PLCE1: variants seen among roughly 807,000 people sequenced by gnomAD.
The protein encoded by PLCE1 is phospholipase C epsilon 1.
Under a neutral mutation model 242.8 loss-of-function variants are expected in PLCE1, and 119 were observed. That is an observed-to-expected ratio of 0.49 (90% CI 0.42 to 0.57). PLCE1 has a LOEUF of 0.57. PLCE1 is among the 20% of genes least tolerant of loss of function. PLCE1 has a pLI of 0.00. For synonymous variants in PLCE1, 945 were observed against 1,017.4 expected, an observed-to-expected ratio of 0.93 and a Z score of 1.35; for missense variants, 2,441 against 2,788.8, an observed-to-expected ratio of 0.88 and a Z score of 2.81.
chr10:94,100,848 A>G (rs1322151176), intron 2 of PLCE1, among the ~76,000 whole-genome samples: 3 of 152,212 alleles, frequency 2.0e-5, no homozygotes, highest in African/African-American at 7.2e-5. Flanking sequence ...CGGAGGGCAT[A>G]CAAGTTTCTG....
intron 2 of PLCE1, among the ~76,000 whole-genome samples, chr10:94,057,271 C>G: frequency 6.6e-6 from 1 of 152,070 alleles, no homozygotes. Context: ...TTTTCATAGG[C>G]TGTTTTTTCA....
chr10:94,025,131 G>C (rs2061435123), intron 1 of PLCE1, among the ~76,000 whole-genome samples: 1 of 151,788 alleles, frequency 6.6e-6, no homozygotes, highest in African/African-American at 2.4e-5. Context: ...CTCCAGCTCT[G>C]GCTATCATGC....
chr10:94,188,727 T>A (rs2048562500), intron 4 of PLCE1, among the ~76,000 whole-genome samples: 2 of 152,200 alleles, frequency 1.3e-5, no homozygotes. Flanking sequence ...TGCCCCAGCC[T>A]CCCAAGTAGC....
intron 8 of PLCE1, among the ~76,000 whole-genome samples, chr10:94,248,603 CAAA>C: frequency 6.6e-6 from 1 of 151,068 alleles, no homozygotes. Flanking sequence ...AACAAACAAA[CAAA>C]CAAAAAATAC....
chr10:94,314,133 A>G (rs1479253811), intron 28 of PLCE1, among the ~76,000 whole-genome samples: 2 of 152,182 alleles, frequency 1.3e-5, no homozygotes, highest in African/African-American at 4.8e-5. Flanking sequence ...TCTAAGAGTG[A>G]GAGAGCCAGG....
At chr10:94,166,073 T>C (rs2047792673) in intron 3 of PLCE1, among the ~76,000 whole-genome samples, 1 of 152,196 alleles carries the variant, frequency 6.6e-6, no homozygotes, top group Non-Finnish European at 1.5e-5. Flanking sequence ...AACAGAACTG[T>C]GTAAGTTATA....
intron 4 of PLCE1, among the ~76,000 whole-genome samples, chr10:94,180,291 T>C (rs1435297126): frequency 6.6e-6 from 1 of 152,218 alleles, no homozygotes; most frequent in African/African-American, 2.4e-5. Flanking sequence ...GATTTTAACC[T>C]ATGTGCTGAC....
At chr10:94,130,345 T>A (rs2046560531) in intron 2 of PLCE1, among the ~76,000 whole-genome samples, 1 of 152,202 alleles carries the variant, frequency 6.6e-6, no homozygotes, top group Non-Finnish European at 1.5e-5. Flanking sequence ...CCACCTATTA[T>A]TCATTGAGGG....
chr10:94,281,509 T>C (rs2052219337), intron 20 of PLCE1, among the ~76,000 whole-genome samples: 3 of 152,194 alleles, frequency 2.0e-5, no homozygotes, highest in Non-Finnish European at 4.4e-5. Context: ...ATTTCTAAGA[T>C]AGTTGCATGT....
chr10:94,195,100 G>T (rs898886824), intron 4 of PLCE1, among the ~76,000 whole-genome samples: 9 of 152,108 alleles, frequency 5.9e-5, no homozygotes, highest in Admixed American at 1.3e-4. Context: ...GGCCCAGAAT[G>T]TTAAAGAAAA....
At chr10:94,188,887 G>A (rs542136825) in intron 4 of PLCE1, among the ~76,000 whole-genome samples, 157 of 151,820 alleles carry the variant, frequency 1.0e-3, no homozygotes, top group African/African-American at 3.6e-3. Context: ...TTACAGGCAT[G>A]AGCCACCATG....
chr10:94,199,300 G>T (rs1029366519), intron 4 of PLCE1, among the ~76,000 whole-genome samples: 2 of 152,146 alleles, frequency 1.3e-5, no homozygotes, highest in East Asian at 3.9e-4. Flanking sequence ...GTATCATTTG[G>T]CATTCACAGC....
At chr10:94,132,771 G>A (rs1261795188) in intron 3 of PLCE1, among the ~76,000 whole-genome samples, 2 of 151,918 alleles carry the variant, frequency 1.3e-5, no homozygotes, top group African/African-American at 2.4e-5. Flanking sequence ...CAACACGGTG[G>A]AACACCATCT....
At chr10:94,280,716 G>A (rs1160582303) in intron 20 of PLCE1, 1 of 152,136 alleles carries the variant, frequency 6.6e-6, no homozygotes, top group East Asian at 1.9e-4. Context: ...TTTCTATGTA[G>A]AATAATTGTT....
At chr10:94,232,909 G>A (rs1358622366) in intron 5 of PLCE1, among the ~76,000 whole-genome samples, 6 of 152,070 alleles carry the variant, frequency 3.9e-5, no homozygotes, top group Admixed American at 6.5e-5. Context: ...ACCAGTTCAC[G>A]TGATCTACAG....
chr10:94,274,069 G>A (rs2051851061), intron 19 of PLCE1, among the ~76,000 whole-genome samples: 1 of 152,156 alleles, frequency 6.6e-6, no homozygotes, highest in Non-Finnish European at 1.5e-5. Flanking sequence ...CCCCTTAGGG[G>A]AGCCCTTGGC....
At chr10:94,121,293 G>C (rs1449824857) in intron 2 of PLCE1, among the ~76,000 whole-genome samples, 1 of 152,198 alleles carries the variant, frequency 6.6e-6, no homozygotes, top group African/African-American at 2.4e-5. Flanking sequence ...GAGGGCAGAG[G>C]TTGGCCAGCC....
chr10:94,108,475 C>T (rs1194764205), intron 2 of PLCE1: 2 of 152,226 alleles, frequency 1.3e-5, no homozygotes, highest in African/African-American at 4.8e-5. Flanking sequence ...CTCTTTCTAA[C>T]CCATGGTTTC....
At chr10:94,074,117 G>GA (rs1484476385) in intron 2 of PLCE1, among the ~76,000 whole-genome samples, 4 of 151,404 alleles carry the variant, frequency 2.6e-5, no homozygotes, top group African/African-American at 9.7e-5. Context: ...ATTTCTATGG[G>GA]AAAACTGGGT....
Sources: gnomAD v4.1 joint callset for allele counts (sites outside exome capture counted in the v4.1 genomes callset) on GRCh38, gnomAD v4.1.1 for gene constraint, MANE v1.5 for transcripts, NCBI Gene and HGNC (gene_info 2026-07-23, HGNC 2026-07-21) for gene names.